The following STARD4 variants were observed in gnomAD, a reference collection of about 807,000 sequenced individuals.
The protein encoded by STARD4 is stAR-related lipid transfer protein 4.
In STARD4, 33 loss-of-function variants were observed where a neutral mutation model predicts 24.9. The ratio of observed to expected loss-of-function variants is 1.32; its 90% CI spans 1.00 to 1.77. STARD4 has a LOEUF of 1.77. Among genes scored for constraint, STARD4 ranks in the 40% most tolerant of loss-of-function variants. The pLI, the probability that STARD4 is intolerant of heterozygous loss-of-function variation, is 0.00. For synonymous variants in STARD4, 88 were observed against 77.4 expected (o/e 1.14, Z -0.72); for missense variants, 238 against 249.3 (o/e 0.95, Z 0.31).
chr5:111,504,301 A>C (rs1167297939), intron 3 of STARD4, among the ~76,000 whole-genome samples: 1 of 152,234 alleles, frequency 6.6e-6, no homozygotes, highest in Non-Finnish European at 1.5e-5. Flanking sequence ...ACATAGATAA[A>C]AACATTGTGG....
At chr5:111,505,431 G>A (rs1450177731) in intron 3 of STARD4, among the ~76,000 whole-genome samples, 1 of 152,132 alleles carries the variant, frequency 6.6e-6, no homozygotes, top group Non-Finnish European at 1.5e-5. Context: ...TTTGAAAAAT[G>A]GCTGAGTCTT....
chr5:111,502,708 G>T (rs34584523), intron 3 of STARD4, among the ~76,000 whole-genome samples: 1 of 151,434 alleles, frequency 6.6e-6, no homozygotes, highest in South Asian at 2.1e-4. Flanking sequence ...CAGGAGAATC[G>T]CTTGAACCTG....
chr5:111,502,295 C>T (rs1756514025), intron 3 of STARD4, among the ~76,000 whole-genome samples: 1 of 151,970 alleles, frequency 6.6e-6, no homozygotes, highest in Non-Finnish European at 1.5e-5. Context: ...GTGGCAAAAA[C>T]CTGTCTCTAC....
chr5:111,500,068 C>T lies in STARD4; in HGVS notation c.436G>A (p.Val146Ile). 5.6e-6 allele frequency: 9 copies of T among 1,613,724 alleles called. No homozygotes were observed. The highest frequency in any genetic ancestry group is 7.6e-6 in the Non-Finnish European group (9 of 1,179,708). The change falls in exon 6 of 6, where the codon GTT (valine) becomes ATT (isoleucine). Residue 146 changes from valine to isoleucine, a missense_variant. By Grantham distance (29) the Val-to-Ile change is conservative (BLOSUM62 3). Coordinates refer to ENST00000296632, the MANE Select transcript of STARD4 (RefSeq NM_139164.3). The part of the protein sequence containing the change: ...LDWDEKRPEF[V>I]RGYNHPCGWF... ...CCACAGGGATGGTTATATCCTCGAA[C>T]AAATTCTGGTCTCTTTTCATCCCAG...
chr5:111,501,706 T>C (rs1048923640), intron 4 of STARD4, among the ~76,000 whole-genome samples: 2 of 152,190 alleles, frequency 1.3e-5, no homozygotes, highest in Admixed American at 6.5e-5. Flanking sequence ...TGAAGGATGC[T>C]GAATATAGTT....
Position 111,501,948 on chromosome 5 carries a change from T to G in STARD4, c.282+14A>C. 6.2e-7 allele frequency: 1 copy of G among 1,613,856 alleles called. No homozygotes were observed. The highest frequency in any genetic ancestry group is 8.5e-7 in the Non-Finnish European group (1 of 1,179,918). ...ACATACACACAGTCTAAAGTAATGTTTCTAAATAGATACCTCTTCAAAGTT... is the reference window on the plus strand; with the variant it reads ...ACATACACACAGTCTAAAGTAATGTGTCTAAATAGATACCTCTTCAAAGTT... On this transcript the variant is annotated intron_variant, in intron 4 of 5. Transcript: ENST00000296632.
At chr5:111,501,626 C>T (rs756945434) in intron 4 of STARD4, among the ~76,000 whole-genome samples, 1 of 152,172 alleles carries the variant, frequency 6.6e-6, no homozygotes, top group East Asian at 1.9e-4. Context: ...ACACATTCAC[C>T]TAGAAACCTA....
At chr5:111,504,159 T>A (rs571201985) in intron 3 of STARD4, among the ~76,000 whole-genome samples, 2 of 152,286 alleles carry the variant, frequency 1.3e-5, no homozygotes, top group South Asian at 4.1e-4. Flanking sequence ...TTGGAAGATA[T>A]ACATCCCTAA....
chr5:111,501,149 C>T (rs760639940), intron 4 of STARD4, 33 bp from the exon 5 acceptor site: 6 of 1,557,116 alleles, frequency 3.9e-6, no homozygotes, highest in Non-Finnish European at 5.2e-6. Flanking sequence ...AGTGTTACTA[C>T]TATAGGAAAC....
intron 1 of STARD4, among the ~76,000 whole-genome samples, chr5:111,509,809 T>A (rs1236697760): frequency 6.6e-6 from 1 of 152,122 alleles, no homozygotes; most frequent in African/African-American, 2.4e-5. Flanking sequence ...TTTACGCCAA[T>A]CCTAGAGCTT....
Position 111,499,805 on chromosome 5 carries a change from A to G in STARD4, c.*81T>C. The G allele has an allele frequency of 7.6e-7, 1 of 1,313,772 alleles. No homozygotes were observed. Among genetic ancestry groups the G allele is most frequent in the Non-Finnish European group, 1.1e-6 (1 of 934,214 alleles). The allele number at this position is 1,313,772 out of a possible 1,614,324, so 81.4% of individuals were successfully genotyped here. ...AAATTTTTCTACCGGCTATGCAGAA[A>G]AGTGGAATCAATGATTTTTACAGGC... On this transcript the variant is annotated 3_prime_UTR_variant, in exon 6 of 6. Transcript: ENST00000296632.
rs937621686 is a variant in STARD4, at chr5:111,512,522, G to A, written c.-147C>T. On this transcript the variant is annotated 5_prime_UTR_variant, in exon 1 of 6. Coordinates refer to ENST00000296632, the MANE Select transcript of STARD4 (RefSeq NM_139164.3). ...AGCAGCCAACTTGTAAGTCACCGCT[G>A]GTCGCAGCCAACTGGAAGGCACCCA... The A allele has an allele frequency of 4.6e-5, 7 of 152,676 alleles. No individual in the cohort carries two copies. The highest frequency in any genetic ancestry group is 7.2e-5 in the African/African-American group (3 of 41,468). The allele number at this position is 152,676 out of a possible 1,614,324, so 9.5% of individuals were successfully genotyped here. A position where few individuals can be genotyped will look rare whatever the true frequency, so the allele number is the denominator to read the frequency against.
chr5:111,498,084 T>C lies in STARD4; in HGVS notation c.*1802A>G, dbSNP rs1756195677. On this transcript the variant is annotated 3_prime_UTR_variant, in exon 6 of 6. Transcript: ENST00000296632. ...AATTACATAATATGTAAATTATATA[T>C]CAATAAAGCTGTTTTTGTTTTTTTA... is the stretch of plus-strand genomic sequence containing the variant. 6.6e-6 allele frequency: 1 copy of C among 152,040 alleles called. No individual in the cohort carries two copies. The highest frequency in any genetic ancestry group is 1.5e-5 in the Non-Finnish European group (1 of 67,960). The allele number at this position is 152,040 out of a possible 1,614,324, so 9.4% of individuals were successfully genotyped here.
At chr5:111,503,826 A>C (rs1756645753) in intron 3 of STARD4, among the ~76,000 whole-genome samples, 1 of 152,186 alleles carries the variant, frequency 6.6e-6, no homozygotes, top group Non-Finnish European at 1.5e-5. Context: ...ATTTTTTAAA[A>C]CTAGCCACAC....
intron 3 of STARD4, chr5:111,504,929 C>T (rs1243112604): frequency 2.3e-6 from 1 of 436,050 alleles, no homozygotes; most frequent in Non-Finnish European, 4.5e-6. Context: ...ATCATTAAAT[C>T]TTTCACATGC....
chr5:111,507,364 T>A lies in STARD4; in HGVS notation c.70A>T (p.Ile24Phe), dbSNP rs748050349. 1.2e-6 allele frequency: 2 copies of A among 1,613,586 alleles called. No homozygotes were observed. The highest frequency in any genetic ancestry group is 1.7e-6 in the Non-Finnish European group (2 of 1,179,780). Residue 24 changes from isoleucine to phenylalanine, a missense_variant, in exon 2 of 6, where the codon ATT (isoleucine) becomes TTT (phenylalanine). Ile to Phe is a conservative substitution (Grantham distance 21). Coordinates refer to ENST00000296632, the MANE Select transcript of STARD4 (RefSeq NM_139164.3). The surrounding 1 kb of genome is among the most constrained non-coding windows in gnomAD (Gnocchi z 4.4). ...LKNTLIQYHS[I>F]EEDKWRVAKK... ...GCAACTCGCCACTTATCTTCTTCAA[T>A]GCTATGGTACTGGATGAGAGTGTTT... is the stretch of plus-strand genomic sequence containing the variant.
chr5:111,506,310 G>A lies in STARD4; in HGVS notation c.155+20C>T. The A allele has an allele frequency of 1.4e-6, 2 of 1,403,958 alleles. No homozygotes were observed. The highest frequency in any genetic ancestry group is 9.8e-7 in the Non-Finnish European group (1 of 1,015,822). 87.0% of individuals were successfully genotyped at this position (1,403,958 alleles called of 1,614,324 possible). Reference sequence around the variant, plus strand: ...TTGAAATGTCTTAAGAGCTGTGTAAGTCTATAAAAAGTTACTTACAGATAT... The same window carrying A: ...TTGAAATGTCTTAAGAGCTGTGTAAATCTATAAAAAGTTACTTACAGATAT... On this transcript the variant is annotated intron_variant, in intron 3 of 5. Transcript: ENST00000296632.
At chr5:111,506,853 T>C (rs142617393) in intron 2 of STARD4, among the ~76,000 whole-genome samples, 1 of 152,352 alleles carries the variant, frequency 6.6e-6, no homozygotes, top group East Asian at 1.9e-4. Flanking sequence ...TCAGAATAGC[T>C]AGAGCACTTA....
In STARD4 at chr5:111,500,101, T is replaced by A; in HGVS notation, c.403A>T (p.Ser135Cys). ...GGTCTCTTTTCATCCCAGTCAAGAC[T>A]TATTCCTATAAGGCAATTTTTAAAA... is the stretch of plus-strand genomic sequence containing the variant. ...YKEGLLSCGI[S>C]LDWDEKRPEF... is the part of the protein sequence containing the mutation. Residue 135 changes from serine to cysteine, a missense_variant, in exon 6 of 6, where the codon AGT becomes TGT. By Grantham distance (112) the Ser-to-Cys change is moderately radical (BLOSUM62 -1). Transcript: ENST00000296632. 1 of 1,600,612 alleles carries A rather than the reference T, an allele frequency of 6.2e-7. No individual in the cohort carries two copies. Among genetic ancestry groups the A allele is most frequent in the Non-Finnish European group, 8.5e-7 (1 of 1,170,474 alleles).
Sources: gnomAD v4.1 joint callset for allele counts (sites outside exome capture counted in the v4.1 genomes callset) on GRCh38, gnomAD v4.1.1 for gene constraint, Gnocchi (gnomAD v3.1) non-coding constraint, MANE v1.5 for transcripts, NCBI Gene and HGNC (gene_info 2026-07-23, HGNC 2026-07-21) for gene names.